The following CBFA2T2 variants were observed in gnomAD, a reference collection of about 807,000 sequenced individuals.
The protein encoded by CBFA2T2 is CBFA2/RUNX1 partner transcriptional co-repressor 2.
Under a neutral mutation model 62.2 loss-of-function variants are expected in CBFA2T2, and 11 were observed. The ratio of observed to expected loss-of-function variants is 0.18; its 90% CI spans 0.11 to 0.29. The LOEUF (loss-of-function observed/expected upper bound fraction) is 0.29, where lower values mean the gene tolerates loss of function less well. CBFA2T2 is among the 10% of genes least tolerant of loss of function. The pLI, the probability that CBFA2T2 is intolerant of heterozygous loss-of-function variation, is 1.00. For missense variants in CBFA2T2, 592 were observed against 774.1 expected, an observed-to-expected ratio of 0.76 and a Z score of 2.79; for synonymous variants, 295 against 287.5, an observed-to-expected ratio of 1.03 and a Z score of -0.27.
intron 3 of CBFA2T2, among the ~76,000 whole-genome samples, chr20:33,616,162 T>C (rs1021371687): frequency 1.3e-5 from 2 of 152,070 alleles, no homozygotes; most frequent in African/African-American, 4.8e-5. Flanking sequence ...TAGATAGATA[T>C]AGATATAGAT....
At chr20:33,543,642 G>A (rs528364326) in intron 1 of CBFA2T2, among the ~76,000 whole-genome samples, 1 of 152,220 alleles carries the variant, frequency 6.6e-6, no homozygotes, top group African/African-American at 2.4e-5. Flanking sequence ...AACATACAAA[G>A]ATTCATTTTA....
chr20:33,535,624 T>C (rs1345626791), intron 1 of CBFA2T2, among the ~76,000 whole-genome samples: 1 of 125,222 alleles, frequency 8.0e-6, no homozygotes, highest in Admixed American at 9.8e-5. Context: ...TTATTTTTTC[T>C]TTTTTTTTTT....
chr20:33,600,563 G>A (rs746882457), intron 1 of CBFA2T2: 1 of 307,240 alleles, frequency 3.3e-6, no homozygotes. Context: ...GAGAGGCTAT[G>A]GTCCAGGAAA....
chr20:33,639,534 A>G (rs986220163), intron 9 of CBFA2T2: 6 of 152,056 alleles, frequency 3.9e-5, no homozygotes, highest in African/African-American at 1.4e-4. Flanking sequence ...AGATTACGCC[A>G]CTGCACTCCA....
At chr20:33,604,478 C>T (rs2015262740) in intron 1 of CBFA2T2, among the ~76,000 whole-genome samples, 1 of 152,188 alleles carries the variant, frequency 6.6e-6, no homozygotes, top group African/African-American at 2.4e-5. Flanking sequence ...GCTTTTTCTG[C>T]TTCATTCACT....
At chr20:33,540,603 G>C (rs914336671) in intron 1 of CBFA2T2, among the ~76,000 whole-genome samples, 1 of 152,130 alleles carries the variant, frequency 6.6e-6, no homozygotes, top group Admixed American at 6.6e-5. Flanking sequence ...TTCAGATTTC[G>C]TTAAGAAGTT....
At chr20:33,597,003 C>A (rs759695225) in intron 1 of CBFA2T2, among the ~76,000 whole-genome samples, 10 of 150,588 alleles carry the variant, frequency 6.6e-5, no homozygotes, top group Non-Finnish European at 1.2e-4. Context: ...CAGCTCACTG[C>A]AGCCTGAAAC....
chr20:33,586,031 C>A (rs1230316756), intron 1 of CBFA2T2, among the ~76,000 whole-genome samples: 1 of 152,144 alleles, frequency 6.6e-6, no homozygotes. Context: ...ATTCTTCTAC[C>A]TTCTTTGCAT....
chr20:33,520,492 C>T (rs1214359851), intron 1 of CBFA2T2, among the ~76,000 whole-genome samples: 6 of 151,994 alleles, frequency 3.9e-5, no homozygotes, highest in Admixed American at 1.3e-4. Context: ...CTAAGTAGGC[C>T]GGGTTTGGTG....
intron 1 of CBFA2T2, among the ~76,000 whole-genome samples, chr20:33,514,415 A>G (rs1017666806): frequency 1.3e-5 from 2 of 151,644 alleles, no homozygotes; most frequent in Non-Finnish European, 2.9e-5. Flanking sequence ...GGGTTTCACC[A>G]TGTCTGGAGA....
intron 1 of CBFA2T2, among the ~76,000 whole-genome samples, chr20:33,559,766 G>A (rs191570031): frequency 7.2e-5 from 11 of 152,284 alleles, no homozygotes; most frequent in South Asian, 4.1e-4. Context: ...GATTACAGGC[G>A]TGAGCCATTG....
At chr20:33,529,743 T>TTTTATATATATATA (rs1163402861) in intron 1 of CBFA2T2, among the ~76,000 whole-genome samples, 27 of 4,032 alleles carry the variant, frequency 6.7e-3, no homozygotes, top group Admixed American at 7.8e-3. Context: ...AAGAAAGCAG[T>TTTTATATATATATA]TATATATATA....
In CBFA2T2 at chr20:33,611,266, G is replaced by A; in HGVS notation, c.351G>A (p.Leu117=). ...AGTTGAAACGCTTTCTTACCACTCTGCAACAGTTTGGCAATGACATCTCCC... is the reference window on the plus strand; with the variant it reads ...AGTTGAAACGCTTTCTTACCACTCTACAACAGTTTGGCAATGACATCTCCC... ...LSKLKRFLTT[L]QQFGNDISPE... is the part of the protein sequence containing the mutation. The change falls in exon 3 of 11, where the codon CTG becomes CTA. Residue 117 remains leucine (L), a synonymous_variant. Coordinates refer to ENST00000342704, the MANE Select transcript of CBFA2T2 (RefSeq NM_001032999.3). The A allele has an allele frequency of 3.1e-6, 5 of 1,614,168 alleles. No individual in the cohort carries two copies. The highest frequency in any genetic ancestry group is 4.2e-6 in the Non-Finnish European group (5 of 1,180,032).
intron 1 of CBFA2T2, among the ~76,000 whole-genome samples, chr20:33,565,081 G>A (rs1041545468): frequency 1.3e-5 from 2 of 151,906 alleles, no homozygotes; most frequent in African/African-American, 2.4e-5. Context: ...CACCACACCC[G>A]GCTAATTTTT....
At chr20:33,602,699 C>T (rs140082963) in intron 1 of CBFA2T2, among the ~76,000 whole-genome samples, 10 of 152,252 alleles carry the variant, frequency 6.6e-5, no homozygotes, top group Admixed American at 6.5e-5. Flanking sequence ...TGAGCACAAA[C>T]GTCTTTTTCC....
chr20:33,568,207 A>T (rs1273184626), intron 1 of CBFA2T2, among the ~76,000 whole-genome samples: 3 of 152,222 alleles, frequency 2.0e-5, no homozygotes, highest in Non-Finnish European at 4.4e-5. Flanking sequence ...AATTAGCATG[A>T]TACTTCCTGC....
chr20:33,545,023 A>AACAGAACAGAACAGAACAGAAC, intron 1 of CBFA2T2, among the ~76,000 whole-genome samples: 1 of 151,142 alleles, frequency 6.6e-6, no homozygotes, highest in African/African-American at 2.4e-5. Context: ...AACAGAACAG[A>AACAGAACAGAACAGAACAGAAC]ATGCAAGGTA....
chr20:33,542,895 G>T (rs1418833245), intron 1 of CBFA2T2, among the ~76,000 whole-genome samples: 2 of 151,998 alleles, frequency 1.3e-5, no homozygotes, highest in African/African-American at 4.8e-5. Context: ...CTGGTCTCCT[G>T]GACTCAAACA....
At chr20:33,559,309 A>C (rs1008390727) in intron 1 of CBFA2T2, among the ~76,000 whole-genome samples, 1 of 150,636 alleles carries the variant, frequency 6.6e-6, no homozygotes, top group Non-Finnish European at 1.5e-5. Flanking sequence ...GAGTAGCTGG[A>C]ACTATAGGCA....
Sources: gnomAD v4.1 joint callset for allele counts (sites outside exome capture counted in the v4.1 genomes callset) on GRCh38, gnomAD v4.1.1 for gene constraint, MANE v1.5 for transcripts, NCBI Gene and HGNC (gene_info 2026-07-23, HGNC 2026-07-21) for gene names.